Variants in HMGN5 observed in about 807,000 individuals in gnomAD.
HMGN5 encodes the protein high mobility group nucleosome binding domain 5.
In HMGN5, 4 loss-of-function variants were observed where a neutral mutation model predicts 9.5. The ratio of observed to expected loss-of-function variants is 0.42; its 90% CI spans 0.21 to 0.96. HMGN5 has a LOEUF of 0.96. HMGN5 is among the 40% of genes least tolerant of loss of function. The pLI is 0.30. For synonymous variants in HMGN5, 55 were observed against 57.1 expected, an observed-to-expected ratio of 0.96 and a Z score of 0.16; for missense variants, 192 against 187.5, an observed-to-expected ratio of 1.02 and a Z score of -0.14.
At chrX:81,158,416 G>C (rs1460633043) in intron 1 of HMGN5, among the ~76,000 whole-genome samples, 2 of 112,338 alleles carry the variant, frequency 1.8e-5, no homozygotes, top group Non-Finnish European at 3.8e-5. Context: ...TTTCTCTGAT[G>C]ATCAGTGATG....
intron 1 of HMGN5, among the ~76,000 whole-genome samples, chrX:81,169,806 A>T (rs895793903): frequency 9.0e-6 from 1 of 111,312 alleles, no homozygotes; most frequent in Non-Finnish European, 1.9e-5. Flanking sequence ...AGTAATCCCA[A>T]CACTTTGGGA....
chrX:81,128,284 A>C (rs2075290014), intron 1 of HMGN5, among the ~76,000 whole-genome samples: 1 of 111,638 alleles, frequency 9.0e-6, no homozygotes, highest in African/African-American at 3.2e-5. Context: ...CAATTCAAGC[A>C]AATGGACATG....
chrX:81,164,556 C>A (rs2075406037), intron 1 of HMGN5, among the ~76,000 whole-genome samples: 1 of 111,640 alleles, frequency 9.0e-6, no homozygotes, highest in South Asian at 3.7e-4. Flanking sequence ...TTTTATGTGA[C>A]ATTCTTTCTT....
At chrX:81,137,038 C>G (rs762960269) in intron 1 of HMGN5, among the ~76,000 whole-genome samples, 1 of 111,184 alleles carries the variant, frequency 9.0e-6, no homozygotes, top group Non-Finnish European at 1.9e-5. Flanking sequence ...TGCCCCAAAA[C>G]AAATAAATGA....
At chrX:81,125,886 G>C (rs927620597) in intron 1 of HMGN5, among the ~76,000 whole-genome samples, 10 of 111,032 alleles carry the variant, frequency 9.0e-5, no homozygotes, top group Non-Finnish European at 1.9e-4. Flanking sequence ...GGTGGCTCGC[G>C]TCTGTAATCC....
At chrX:81,178,761 T>A (rs1169064919) in intron 1 of HMGN5, among the ~76,000 whole-genome samples, 1 of 111,645 alleles carries the variant, frequency 9.0e-6, no homozygotes, top group Non-Finnish European at 1.9e-5. Context: ...AAGGGAATTT[T>A]AGACCAACAT....
intron 1 of HMGN5, among the ~76,000 whole-genome samples, chrX:81,186,160 T>C (rs956867535): frequency 8.9e-6 from 1 of 112,137 alleles, no homozygotes; most frequent in Non-Finnish European, 1.9e-5. Flanking sequence ...TCTTCTTCTA[T>C]GTTTCACAAT....
chrX:81,184,900 T>C (rs1218353365), intron 1 of HMGN5, among the ~76,000 whole-genome samples: 3 of 112,025 alleles, frequency 2.7e-5, no homozygotes, highest in Non-Finnish European at 3.8e-5. Flanking sequence ...CCCCAGTGTA[T>C]GTTTTTGGCA....
At chrX:81,136,160 A>G (rs998637223) in intron 1 of HMGN5, among the ~76,000 whole-genome samples, 1 of 111,870 alleles carries the variant, frequency 8.9e-6, no homozygotes, top group Non-Finnish European at 1.9e-5. Context: ...ATAGCAACAG[A>G]AATAAACTAA....
intron 1 of HMGN5, among the ~76,000 whole-genome samples, chrX:81,172,730 A>G (rs1796845182): frequency 9.0e-6 from 1 of 111,167 alleles, no homozygotes; most frequent in Admixed American, 9.6e-5. Context: ...AAAACATAAC[A>G]TGATAAAAAA....
intron 1 of HMGN5, among the ~76,000 whole-genome samples, chrX:81,133,093 C>T (rs190244809): frequency 1.8e-5 from 2 of 111,169 alleles, no homozygotes; most frequent in Admixed American, 9.6e-5. Flanking sequence ...CCAACAATCA[C>T]ATTAAAAAAA....
chrX:81,197,189 C>T (rs1188596301), intron 1 of HMGN5, among the ~76,000 whole-genome samples: 2 of 111,946 alleles, frequency 1.8e-5, no homozygotes, highest in Admixed American at 1.9e-4. Flanking sequence ...AATTTTCAGC[C>T]ACAAGCAATT....
chrX:81,141,886 A>G (rs1336651691), intron 1 of HMGN5, among the ~76,000 whole-genome samples: 1 of 112,243 alleles, frequency 8.9e-6, no homozygotes, highest in African/African-American at 3.2e-5. Flanking sequence ...CTGGAGAAAC[A>G]TATCTATATG....
intron 1 of HMGN5, among the ~76,000 whole-genome samples, chrX:81,183,889 A>G (rs1326242219): frequency 5.3e-5 from 6 of 112,160 alleles, no homozygotes; most frequent in African/African-American, 1.9e-4. Flanking sequence ...TTGCTGTTGT[A>G]TCTTGGAAGT....
At chrX:81,135,041 A>G (rs182105177) in intron 1 of HMGN5, among the ~76,000 whole-genome samples, 5 of 111,723 alleles carry the variant, frequency 4.5e-5, no homozygotes, top group African/African-American at 1.3e-4. Flanking sequence ...ACATAAGAGT[A>G]AGTCTTCATG....
chrX:81,176,680 CTATCA>C (rs2075443001), intron 1 of HMGN5, among the ~76,000 whole-genome samples: 1 of 111,311 alleles, frequency 9.0e-6, no homozygotes, highest in African/African-American at 3.3e-5. Flanking sequence ...GGAAGAAAGG[CTATCA>C]GTGACCAAAG....
chrX:81,170,110 C>T (rs981185308), intron 1 of HMGN5, among the ~76,000 whole-genome samples: 4 of 102,948 alleles, frequency 3.9e-5, no homozygotes, highest in Non-Finnish European at 7.9e-5. Flanking sequence ...TAACCTTCAA[C>T]AGTCATCAGT....
At chrX:81,152,850 A>T (rs900871793) in intron 1 of HMGN5, among the ~76,000 whole-genome samples, 1 of 108,788 alleles carries the variant, frequency 9.2e-6, no homozygotes, top group African/African-American at 3.4e-5. Flanking sequence ...TTGTAGGGAC[A>T]TGGATGAAAT....
intron 1 of HMGN5, among the ~76,000 whole-genome samples, chrX:81,146,099 A>G (rs2075342838): frequency 9.0e-6 from 1 of 111,350 alleles, no homozygotes. Context: ...TCAATGAGAC[A>G]GAAATTAACA....
Sources: gnomAD v4.1 joint callset for allele counts (sites outside exome capture counted in the v4.1 genomes callset) on GRCh38, gnomAD v4.1.1 for gene constraint, MANE v1.5 for transcripts, NCBI Gene and HGNC (gene_info 2026-07-23, HGNC 2026-07-21) for gene names.